Variants in MERTK observed in about 807,000 individuals in gnomAD.
MERTK encodes the protein MER proto-oncogene, tyrosine kinase.
A neutral mutation model predicts 99.3 loss-of-function variants in MERTK; 69 were observed. The ratio of observed to expected loss-of-function variants is 0.70; its 90% CI spans 0.57 to 0.85. MERTK has a LOEUF of 0.85. Among genes scored for constraint, MERTK ranks in the 40% least tolerant of loss-of-function variants. MERTK has a pLI of 0.00. For synonymous variants in MERTK, 426 were observed against 467.6 expected (o/e 0.91, Z 1.15); for missense variants, 1,125 against 1,249.4 (o/e 0.90, Z 1.50).
At chr2:111,977,441 C>G (rs1192724876) in intron 7 of MERTK, among the ~76,000 whole-genome samples, 2 of 152,132 alleles carry the variant, frequency 1.3e-5, no homozygotes, top group Non-Finnish European at 2.9e-5. Flanking sequence ...ATCATCCTAA[C>G]TTTGTTCCTC....
intron 18 of MERTK, among the ~76,000 whole-genome samples, chr2:112,022,813 C>T (rs1263943943): frequency 6.6e-6 from 1 of 152,210 alleles, no homozygotes; most frequent in Non-Finnish European, 1.5e-5. Flanking sequence ...AAACACTCCA[C>T]TCACAGTAGT....
At chr2:111,918,560 C>A (rs956307692) in intron 1 of MERTK, among the ~76,000 whole-genome samples, 3 of 152,218 alleles carry the variant, frequency 2.0e-5, no homozygotes, top group Non-Finnish European at 4.4e-5. Flanking sequence ...AATTGGCATG[C>A]TGCCAGTGGA....
chr2:111,995,770 T>C (rs2104400329), intron 9 of MERTK, among the ~76,000 whole-genome samples: 1 of 152,110 alleles, frequency 6.6e-6, no homozygotes, highest in South Asian at 2.1e-4. Flanking sequence ...GCCAACATGG[T>C]GAAACCCCAT....
intron 7 of MERTK, among the ~76,000 whole-genome samples, chr2:111,976,959 T>C (rs557520379): frequency 5.2e-4 from 79 of 152,148 alleles, no homozygotes; most frequent in Non-Finnish European, 8.7e-4. Context: ...CCTTCAGATA[T>C]TTTTGGCTAC....
At chr2:112,016,454 C>A (rs1677217549) in intron 15 of MERTK, among the ~76,000 whole-genome samples, 1 of 152,210 alleles carries the variant, frequency 6.6e-6, no homozygotes, top group African/African-American at 2.4e-5. Flanking sequence ...CAGATCTTTT[C>A]TTTGCTGCCT....
chr2:111,919,858 C>A (rs1684422114), intron 1 of MERTK, among the ~76,000 whole-genome samples: 1 of 142,894 alleles, frequency 7.0e-6, no homozygotes, highest in Non-Finnish European at 1.5e-5. Context: ...GTAGGAAGGT[C>A]ACCCCACTGA....
At chr2:111,914,022 T>G (rs1684299629) in intron 1 of MERTK, among the ~76,000 whole-genome samples, 1 of 152,126 alleles carries the variant, frequency 6.6e-6, no homozygotes, top group Non-Finnish European at 1.5e-5. Context: ...TATCCTTGCC[T>G]TGTTCCCATC....
At chr2:111,970,773 T>C (rs1397757979) in intron 6 of MERTK, among the ~76,000 whole-genome samples, 1 of 29,402 alleles carries the variant, frequency 3.4e-5, no homozygotes, top group African/African-American at 1.2e-4. Flanking sequence ...TCCTCCTCCC[T>C]CCTCCTCCTC....
At chr2:111,947,913 C>T (rs6742470) in intron 4 of MERTK, among the ~76,000 whole-genome samples, 79,560 of 151,828 alleles carry the variant, frequency 0.52, 21,024 homozygotes, top group Middle Eastern at 0.56. Flanking sequence ...GAACCACTGA[C>T]GTGAAGACCT....
intron 13 of MERTK, among the ~76,000 whole-genome samples, chr2:112,007,673 C>T (rs1677011973): frequency 1.3e-5 from 2 of 152,090 alleles, no homozygotes; most frequent in Admixed American, 6.5e-5. Context: ...CTCTCTTAAG[C>T]CAGTTTAATT....
At chr2:112,028,258 A>G (rs765938730) in intron 18 of MERTK, 93 bp from the exon 19 acceptor site, 44 of 1,351,676 alleles carry the variant, frequency 3.3e-5, no homozygotes, top group Admixed American at 1.4e-4. Context: ...TGCTGATTAA[A>G]ATGTGATAAA....
intron 1 of MERTK, among the ~76,000 whole-genome samples, chr2:111,927,717 T>C (rs1352621849): frequency 6.6e-6 from 1 of 152,202 alleles, no homozygotes; most frequent in African/African-American, 2.4e-5. Context: ...CAAGCTTAAC[T>C]GGGCATCCTG....
chr2:111,991,916 C>T (rs1050727728), intron 8 of MERTK, among the ~76,000 whole-genome samples: 5 of 152,106 alleles, frequency 3.3e-5, no homozygotes, highest in Non-Finnish European at 5.9e-5. Flanking sequence ...AGAGCTTTAA[C>T]GGTGAAAGAC....
In MERTK at chr2:112,028,834, C is replaced by G; in HGVS notation, c.2970C>G (p.Asp990Glu). The G allele has an allele frequency of 6.2e-7, 1 of 1,614,016 alleles. No homozygotes were observed. The highest frequency in any genetic ancestry group is 8.5e-7 in the Non-Finnish European group (1 of 1,180,032). Residue 990 changes from aspartate (D) to glutamate (E), a missense_variant, in exon 19 of 19, where the codon GAC becomes GAG. Coordinates refer to ENST00000295408, the MANE Select transcript of MERTK (RefSeq NM_006343.3). ...SLPDELLFAD[D>E]SSEGSEVLM Reference sequence around the variant, plus strand: ...CCGATGAACTTTTGTTTGCTGACGACTCCTCAGAAGGCTCAGAAGTCCTGA... The same window carrying G: ...CCGATGAACTTTTGTTTGCTGACGAGTCCTCAGAAGGCTCAGAAGTCCTGA...
At chr2:112,028,116 T>C in intron 18 of MERTK, 1 of 573,436 alleles carries the variant, frequency 1.7e-6, no homozygotes, top group South Asian at 2.1e-5. Context: ...AAGTTAGATA[T>C]AACTGCCACA....
chr2:112,004,136 C>T, intron 13 of MERTK, 152 bp downstream of exon 13: 5 of 701,940 alleles, frequency 7.1e-6, no homozygotes, highest in South Asian at 1.5e-5. Context: ...CTTTAATGAG[C>T]TCTTCATGCA....
At chr2:111,996,067 T>C (rs777666322) in intron 9 of MERTK, 2 of 154,346 alleles carry the variant, frequency 1.3e-5, no homozygotes, top group Admixed American at 6.5e-5. Flanking sequence ...CCCGGCACTT[T>C]CGGAGGCCGA....
chr2:112,021,522 G>A lies in MERTK; in HGVS notation c.2290G>A (p.Val764Ile), dbSNP rs1473647261. 4 of 1,613,960 alleles carry A rather than the reference G, an allele frequency of 2.5e-6. No individual in the cohort carries two copies. Among genetic ancestry groups the A allele is most frequent in the Admixed American group, 3.3e-5 (2 of 60,006 alleles). ...YRQGRIAKMP[V>I]KWIAIESLAD... is the part of the protein sequence containing the mutation. ...CCAAGGCCGCATTGCTAAGATGCCT[G>A]TTAAATGGATCGCCATAGAAAGTCT... is the stretch of plus-strand genomic sequence containing the variant. Residue 764 changes from valine (V) to isoleucine (I), a missense_variant, in exon 17 of 19, where the codon GTT becomes ATT. Val to Ile is a conservative substitution (Grantham distance 29). Transcript: ENST00000295408.
intron 16 of MERTK, chr2:112,020,591 T>G (rs966964227): frequency 3.0e-5 from 14 of 471,010 alleles, no homozygotes; most frequent in Non-Finnish European, 5.7e-5. Context: ...AATTTCTCAT[T>G]TAATTCCTCA....
Sources: gnomAD v4.1 joint callset for allele counts (sites outside exome capture counted in the v4.1 genomes callset) on GRCh38, gnomAD v4.1.1 for gene constraint, MANE v1.5 for transcripts, NCBI Gene and HGNC (gene_info 2026-07-23, HGNC 2026-07-21) for gene names.